TENM2: variants seen among roughly 807,000 people sequenced by gnomAD.
TENM2 encodes the protein teneurin transmembrane protein 2.
Under a neutral mutation model 245.2 loss-of-function variants are expected in TENM2, and 52 were observed. That is an observed-to-expected ratio of 0.21 (90% confidence interval 0.17 to 0.27). The LOEUF (loss-of-function observed/expected upper bound fraction) is 0.27. Ranked by LOEUF, TENM2 falls within the 10% of genes least tolerant of loss-of-function variation. The pLI, the probability that TENM2 is intolerant of heterozygous loss-of-function variation, is 1.00. For missense variants in TENM2, 3,046 were observed against 3,666.8 expected (o/e 0.83, Z 4.37); for synonymous variants, 1,363 against 1,438.9 (o/e 0.95, Z 1.19).
intron 25 of TENM2, among the ~76,000 whole-genome samples, chr5:168,235,517 A>T (rs1765350918): frequency 6.6e-6 from 1 of 151,958 alleles, no homozygotes. Flanking sequence ...ATGTACAAAC[A>T]ATATATAGAA....
chr5:167,820,602 A>G (rs1026531868), intron 2 of TENM2, among the ~76,000 whole-genome samples: 1 of 152,186 alleles, frequency 6.6e-6, no homozygotes, highest in East Asian at 1.9e-4. Flanking sequence ...GCTCCGGCTA[A>G]GATTGGTTAA....
the TENM2 span, among the ~76,000 whole-genome samples, chr5:167,249,518 G>A: frequency 3.3e-5 from 5 of 152,022 alleles, no homozygotes; most frequent in South Asian, 4.1e-4. Flanking sequence ...TATTCGACAA[G>A]TATTTTTATC....
chr5:166,996,001 T>C, the TENM2 span, among the ~76,000 whole-genome samples: 1 of 151,964 alleles, frequency 6.6e-6, no homozygotes, highest in Non-Finnish European at 1.5e-5. Flanking sequence ...TTATGATTCA[T>C]ATTAATTAAA....
At chr5:168,070,848 G>GAGGA (rs1224088479) in intron 7 of TENM2, among the ~76,000 whole-genome samples, 2 of 149,692 alleles carry the variant, frequency 1.3e-5, no homozygotes, top group Non-Finnish European at 3.0e-5. Context: ...AAGAAAAAGA[G>GAGGA]AGGAAGGAAG....
chr5:167,778,637 T>C (rs1763973184), intron 2 of TENM2, among the ~76,000 whole-genome samples: 1 of 152,132 alleles, frequency 6.6e-6, no homozygotes, highest in African/African-American at 2.4e-5. Flanking sequence ...AGAAAACACT[T>C]GGGTTTTTTT....
chr5:167,280,815 A>G (rs566320330), upstream of TENM2, among the ~76,000 whole-genome samples: 11 of 149,340 alleles, frequency 7.4e-5, no homozygotes, highest in Middle Eastern at 3.4e-3. Flanking sequence ...TCTGTCATCT[A>G]TCTAATTTCT....
chr5:168,060,191 C>T (rs1319919374), intron 6 of TENM2, among the ~76,000 whole-genome samples: 4 of 148,460 alleles, frequency 2.7e-5, no homozygotes, highest in Non-Finnish European at 5.9e-5. Context: ...AGTTTGAGAC[C>T]AGTGCCTGGG....
At chr5:167,106,753 G>T in the TENM2 span, among the ~76,000 whole-genome samples, 2 of 151,682 alleles carry the variant, frequency 1.3e-5, no homozygotes. Flanking sequence ...GGCAATAGAG[G>T]TGAAGAGGGT....
intron 12 of TENM2, among the ~76,000 whole-genome samples, chr5:168,154,852 C>T (rs911205961): frequency 6.6e-6 from 1 of 151,668 alleles, no homozygotes; most frequent in Non-Finnish European, 1.5e-5. Flanking sequence ...CCCATACTTG[C>T]ATCTACACAA....
chr5:167,335,810 G>T (rs1293046860), intron 1 of TENM2, among the ~76,000 whole-genome samples: 3 of 152,066 alleles, frequency 2.0e-5, no homozygotes, highest in African/African-American at 4.8e-5. Context: ...TATTAATCAT[G>T]AGGGCTCTCC....
At chr5:167,286,102 T>C (rs1302485742) in intron 1 of TENM2, among the ~76,000 whole-genome samples, 2 of 152,246 alleles carry the variant, frequency 1.3e-5, no homozygotes, top group Non-Finnish European at 2.9e-5. Context: ...CCACGGTTTA[T>C]AAATCTACAA....
the TENM2 span, among the ~76,000 whole-genome samples, chr5:167,067,181 A>G: frequency 6.6e-6 from 1 of 152,208 alleles, no homozygotes; most frequent in Non-Finnish European, 1.5e-5. Flanking sequence ...TGCATATTTT[A>G]AAAACTTCAG....
chr5:167,145,258 G>A, the TENM2 span, among the ~76,000 whole-genome samples: 2 of 152,170 alleles, frequency 1.3e-5, no homozygotes, highest in Admixed American at 6.5e-5. Context: ...CTCAATCAGC[G>A]CAGAGTATAT....
intron 1 of TENM2, among the ~76,000 whole-genome samples, chr5:167,351,604 A>G (rs532212051): frequency 1.7e-4 from 26 of 152,220 alleles, no homozygotes; most frequent in Non-Finnish European, 3.2e-4. Context: ...GTCTCAAAGC[A>G]GAACATATAG....
At chr5:167,226,595 G>A in the TENM2 span, among the ~76,000 whole-genome samples, 1 of 151,920 alleles carries the variant, frequency 6.6e-6, no homozygotes, top group Non-Finnish European at 1.5e-5. Context: ...TGTTTTGTGG[G>A]CTAACATATG....
At chr5:167,203,687 A>G in the TENM2 span, among the ~76,000 whole-genome samples, 1 of 152,192 alleles carries the variant, frequency 6.6e-6, no homozygotes. Context: ...AAAACATAAC[A>G]AGCTATGATG....
At chr5:167,065,966 C>T in the TENM2 span, among the ~76,000 whole-genome samples, 1 of 152,136 alleles carries the variant, frequency 6.6e-6, no homozygotes, top group Non-Finnish European at 1.5e-5. Flanking sequence ...TAGCTCTGGT[C>T]GTTTTCATCA....
the TENM2 span, among the ~76,000 whole-genome samples, chr5:167,241,198 G>A: frequency 3.3e-5 from 5 of 152,038 alleles, no homozygotes; most frequent in Non-Finnish European, 2.9e-5. Context: ...TATTTACGAA[G>A]CCTGTACTAT....
At chr5:168,018,797 C>A (rs545903111) in intron 5 of TENM2, among the ~76,000 whole-genome samples, 1 of 152,312 alleles carries the variant, frequency 6.6e-6, no homozygotes, top group Admixed American at 6.5e-5. Flanking sequence ...CAAGCATTCA[C>A]TAAAAACTTC....
Sources: gnomAD v4.1 joint callset for allele counts (sites outside exome capture counted in the v4.1 genomes callset) on GRCh38, gnomAD v4.1.1 for gene constraint, MANE v1.5 for transcripts, NCBI Gene and HGNC (gene_info 2026-07-23, HGNC 2026-07-21) for gene names.